The following MYO5B variants were observed in gnomAD, a reference collection of about 807,000 sequenced individuals.
MYO5B encodes the protein myosin VB.
In MYO5B, 143 loss-of-function variants were observed where a neutral mutation model predicts 229.3. The ratio of observed to expected loss-of-function variants is 0.62; its 90% CI spans 0.54 to 0.72. MYO5B has a LOEUF of 0.72. MYO5B is among the 30% of genes least tolerant of loss of function. MYO5B has a pLI of 0.00. For synonymous variants in MYO5B, 918 were observed against 885.2 expected (o/e 1.04, Z -0.66); for missense variants, 2,321 against 2,331.0 (o/e 1.00, Z 0.09).
intron 22 of MYO5B, among the ~76,000 whole-genome samples, chr18:49,881,751 C>T (rs989447152): frequency 4.0e-5 from 6 of 149,952 alleles, no homozygotes; most frequent in Admixed American, 1.3e-4. Context: ...TGCAGTGAGC[C>T]GAGATCGCGC....
intron 32 of MYO5B, among the ~76,000 whole-genome samples, chr18:49,847,934 A>G (rs904764736): frequency 3.3e-5 from 5 of 152,192 alleles, no homozygotes; most frequent in African/African-American, 1.2e-4. Context: ...TTGCAACTAC[A>G]TAAGATGATG....
chr18:49,922,915 T>A (rs1407095669), intron 17 of MYO5B, among the ~76,000 whole-genome samples: 1 of 152,188 alleles, frequency 6.6e-6, no homozygotes, highest in African/African-American at 2.4e-5. Context: ...TGCTGGCAGC[T>A]CGGATTCGCA....
chr18:49,894,134 G>T (rs1346922112), intron 22 of MYO5B, among the ~76,000 whole-genome samples: 2 of 152,156 alleles, frequency 1.3e-5, no homozygotes, highest in South Asian at 4.1e-4. Context: ...CATCCAGCCT[G>T]CCCCAATTTT....
intron 17 of MYO5B, among the ~76,000 whole-genome samples, chr18:49,919,468 C>T (rs1040040226): frequency 1.3e-5 from 2 of 152,072 alleles, no homozygotes; most frequent in African/African-American, 4.8e-5. Context: ...CCTATAACTC[C>T]TATAACTCAA....
At chr18:50,084,764 T>C (rs1037303816) in intron 1 of MYO5B, among the ~76,000 whole-genome samples, 2 of 152,068 alleles carry the variant, frequency 1.3e-5, no homozygotes, top group African/African-American at 4.8e-5. Flanking sequence ...ATGCTGCATA[T>C]CTACAACCAT....
At chr18:49,878,490 G>A (rs2024551379) in intron 24 of MYO5B, among the ~76,000 whole-genome samples, 1 of 152,072 alleles carries the variant, frequency 6.6e-6, no homozygotes, top group African/African-American at 2.4e-5. Context: ...TGGAGGAAAT[G>A]TTTACATGGG....
chr18:50,062,127 T>A (rs547768713), intron 1 of MYO5B, among the ~76,000 whole-genome samples: 21 of 152,116 alleles, frequency 1.4e-4, no homozygotes, highest in Non-Finnish European at 2.1e-4. Context: ...CTGCTGAGTA[T>A]GTATTTTATA....
chr18:49,888,870 T>C (rs1423550384), intron 22 of MYO5B, among the ~76,000 whole-genome samples: 1 of 152,218 alleles, frequency 6.6e-6, no homozygotes, highest in Non-Finnish European at 1.5e-5. Flanking sequence ...GGTGGTGGGG[T>C]TGCCCCCACG....
intron 7 of MYO5B, among the ~76,000 whole-genome samples, chr18:49,985,699 G>A (rs2025863228): frequency 6.6e-6 from 1 of 152,106 alleles, no homozygotes; most frequent in Non-Finnish European, 1.5e-5. Context: ...TATAACGTTT[G>A]GTTTTGATAG....
chr18:49,933,177 C>A (rs2025213029), intron 16 of MYO5B, among the ~76,000 whole-genome samples: 1 of 152,204 alleles, frequency 6.6e-6, no homozygotes, highest in African/African-American at 2.4e-5. Flanking sequence ...CCTGCAGTCA[C>A]ATCTCAGAAC....
At position 49,954,439 on chromosome 18, in the gene MYO5B, C is replaced by A; in HGVS notation, c.1546-4G>T. The A allele has an allele frequency of 1.9e-6, 3 of 1,613,826 alleles. No individual in the cohort carries two copies. The highest frequency in any genetic ancestry group is 2.5e-6 in the Non-Finnish European group (3 of 1,179,854). On this transcript the variant is annotated splice_polypyrimidine_tract_variant and splice_region_variant and intron_variant, in intron 12 of 39. Coordinates refer to ENST00000285039, the MANE Select transcript of MYO5B (RefSeq NM_001080467.3). Reference sequence around the variant, plus strand: ...TCTGGTCAGTTCCTTTGGGGACCTGCAGAACCACAAGATAGGGCAGAGCGC... The same window carrying A: ...TCTGGTCAGTTCCTTTGGGGACCTGAAGAACCACAAGATAGGGCAGAGCGC...
intron 17 of MYO5B, among the ~76,000 whole-genome samples, chr18:49,923,800 T>C (rs1422763764): frequency 1.3e-5 from 2 of 152,220 alleles, no homozygotes; most frequent in Non-Finnish European, 2.9e-5. Flanking sequence ...GGTGGCCCCT[T>C]ATATACTGAG....
chr18:50,187,956 A>G (rs2033171877), intron 1 of MYO5B, among the ~76,000 whole-genome samples: 1 of 152,198 alleles, frequency 6.6e-6, no homozygotes, highest in South Asian at 2.1e-4. Flanking sequence ...AACATTAGTG[A>G]AAAAGGTGGT....
At chr18:49,994,226 C>A (rs2025963178) in intron 5 of MYO5B, among the ~76,000 whole-genome samples, 1 of 152,180 alleles carries the variant, frequency 6.6e-6, no homozygotes, top group Non-Finnish European at 1.5e-5. Context: ...TGCGGTTAAC[C>A]CTCTGTGTTC....
intron 27 of MYO5B, among the ~76,000 whole-genome samples, chr18:49,864,963 C>T (rs889793892): frequency 6.6e-6 from 1 of 152,138 alleles, no homozygotes; most frequent in East Asian, 1.9e-4. Context: ...TACCTACATA[C>T]AGAATTGAAT....
At chr18:50,058,333 G>GCTTGTA (rs2030602501) in intron 1 of MYO5B, among the ~76,000 whole-genome samples, 4 of 152,114 alleles carry the variant, frequency 2.6e-5, no homozygotes, top group Non-Finnish European at 4.4e-5. Context: ...AGCCAGATGT[G>GCTTGTA]GTGGTACATG....
chr18:49,858,309 C>T (rs1303747600), intron 29 of MYO5B, among the ~76,000 whole-genome samples: 1 of 151,112 alleles, frequency 6.6e-6, no homozygotes, highest in Admixed American at 6.6e-5. Flanking sequence ...GTGCTTTAAC[C>T]CAAAGGCACA....
intron 35 of MYO5B, 90 bp downstream of exon 35, chr18:49,841,275 C>T (rs2024053839): frequency 1.6e-6 from 2 of 1,237,834 alleles, no homozygotes; most frequent in East Asian, 2.3e-5. Flanking sequence ...GCTCCAAAGA[C>T]CCCACTGACC....
chr18:50,129,559 C>A (rs932003634), intron 1 of MYO5B, among the ~76,000 whole-genome samples: 1 of 152,206 alleles, frequency 6.6e-6, no homozygotes, highest in Admixed American at 6.5e-5. Context: ...CCTCACCATA[C>A]GCCAGCCCAT....
Sources: allele counts gnomAD v4.1 joint callset (sites outside exome capture counted in the v4.1 genomes callset), GRCh38; gene constraint gnomAD v4.1.1; transcripts MANE v1.5; gene names NCBI Gene and HGNC (gene_info 2026-07-23, HGNC 2026-07-21).